The following TMEM154 variants were observed in gnomAD, a reference collection of about 807,000 sequenced individuals.
The protein encoded by TMEM154 is transmembrane protein 154.
A neutral mutation model predicts 24.5 loss-of-function variants in TMEM154; 27 were observed. The ratio of observed to expected loss-of-function variants is 1.10; its 90% CI spans 0.81 to 1.52. The LOEUF is 1.52. Among genes scored for constraint, TMEM154 ranks in the 40% most tolerant of loss-of-function variants. TMEM154 has a pLI of 0.00. For synonymous variants in TMEM154, 67 were observed against 76.8 expected (o/e 0.87, Z 0.67); for missense variants, 228 against 213.4 (o/e 1.07, Z -0.43).
chr4:152,642,144 C>A (rs1752271229), intron 5 of TMEM154, among the ~76,000 whole-genome samples: 1 of 151,760 alleles, frequency 6.6e-6, no homozygotes, highest in Admixed American at 6.6e-5. Context: ...GTTTCGAACT[C>A]CTGACCTCAG....
chr4:152,657,636 C>T (rs1338143924), intron 1 of TMEM154, among the ~76,000 whole-genome samples: 2 of 152,202 alleles, frequency 1.3e-5, no homozygotes, highest in Non-Finnish European at 2.9e-5. Context: ...TATAATTCAA[C>T]AAAGGACTTC....
At chr4:152,674,961 G>A (rs1728920496) in intron 1 of TMEM154, among the ~76,000 whole-genome samples, 1 of 152,004 alleles carries the variant, frequency 6.6e-6, no homozygotes, top group South Asian at 2.1e-4. Flanking sequence ...TTCAAGACCA[G>A]CCTGGCCAAC....
chr4:152,628,602 CA>C (rs1364033859), intron 6 of TMEM154, 41 bp from the exon 7 acceptor site: 7 of 700,872 alleles, frequency 1.0e-5, no homozygotes, highest in African/African-American at 2.7e-5. Context: ...ACAAAAAAAA[CA>C]CACACACACA....
rs958889389 is a variant in TMEM154, at chr4:152,624,319, G to A, written c.*4227C>T. 1.3e-5 allele frequency: 2 copies of A among 152,194 alleles called. No individual in the cohort carries two copies. Among genetic ancestry groups the A allele is most frequent in the African/African-American group, 4.8e-5 (2 of 41,448 alleles). The allele number at this position is 152,194 out of a possible 1,614,324, so 9.4% of individuals were successfully genotyped here. On this transcript the variant is annotated 3_prime_UTR_variant, in exon 7 of 7. Transcript: ENST00000304385. Reference sequence around the variant, plus strand: ...CAAGGTCCAGGTACAAATAATTCCAGCCAGTTATGGTGGCTCACACCTGTA... The same window carrying A: ...CAAGGTCCAGGTACAAATAATTCCAACCAGTTATGGTGGCTCACACCTGTA...
intron 1 of TMEM154, among the ~76,000 whole-genome samples, chr4:152,659,908 A>G (rs1291158925): frequency 6.6e-6 from 1 of 152,210 alleles, no homozygotes; most frequent in Non-Finnish European, 1.5e-5. Context: ...ACAATATACT[A>G]TAATAAAAGT....
At chr4:152,631,228 C>T (rs773262806) in intron 6 of TMEM154, among the ~76,000 whole-genome samples, 1 of 152,174 alleles carries the variant, frequency 6.6e-6, no homozygotes, top group Non-Finnish European at 1.5e-5. Context: ...CTTTAGGGAA[C>T]TATCCTTTTC....
At chr4:152,639,217 T>C (rs968191704) in intron 6 of TMEM154, among the ~76,000 whole-genome samples, 1 of 152,102 alleles carries the variant, frequency 6.6e-6, no homozygotes, top group African/African-American at 2.4e-5. Flanking sequence ...TCCCAAAGTG[T>C]TGGAATTACA....
chr4:152,643,952 A>G (rs1241957591), intron 4 of TMEM154, among the ~76,000 whole-genome samples: 2 of 105,538 alleles, frequency 1.9e-5, no homozygotes, highest in African/African-American at 7.6e-5. Flanking sequence ...TGCTCCTCCC[A>G]CTCTTCCCTT....
intron 6 of TMEM154, among the ~76,000 whole-genome samples, chr4:152,637,325 C>A (rs1173467042): frequency 2.0e-5 from 3 of 152,122 alleles, no homozygotes; most frequent in Non-Finnish European, 4.4e-5. Flanking sequence ...GTGGATGGAT[C>A]ACCTGAGGTC....
At chr4:152,629,815 T>C (rs1294066298) in intron 6 of TMEM154, among the ~76,000 whole-genome samples, 2 of 152,256 alleles carry the variant, frequency 1.3e-5, no homozygotes, top group African/African-American at 2.4e-5. Context: ...CATAGATAGA[T>C]AGACAGACAG....
At chr4:152,629,196 G>A (rs1055051887) in intron 6 of TMEM154, among the ~76,000 whole-genome samples, 8 of 152,180 alleles carry the variant, frequency 5.3e-5, no homozygotes, top group Non-Finnish European at 7.3e-5. Context: ...GGGGTTCCCC[G>A]TTTAATAAAT....
intron 1 of TMEM154, among the ~76,000 whole-genome samples, chr4:152,671,179 C>A (rs1259283411): frequency 6.6e-6 from 1 of 151,462 alleles, no homozygotes; most frequent in Non-Finnish European, 1.5e-5. Flanking sequence ...AGTGGCCCAA[C>A]AGAGCTTGGC....
chr4:152,629,688 G>A (rs781744350), intron 6 of TMEM154, among the ~76,000 whole-genome samples: 2 of 152,076 alleles, frequency 1.3e-5, no homozygotes, highest in Non-Finnish European at 2.9e-5. Context: ...TATCTCCCTC[G>A]CTCATAGATG....
rs116551042 is a variant in TMEM154, at chr4:152,676,518, A to G, written c.64+3352T>C. On this transcript the variant is annotated intron_variant, in intron 1 of 6. Transcript: ENST00000304385. Reference sequence around the variant, plus strand: ...CCTCAGTTTTCTCAAATGTAAAAACAGGGATAATAGTGCCCACCTTATAAG... The same window carrying G: ...CCTCAGTTTTCTCAAATGTAAAAACGGGGATAATAGTGCCCACCTTATAAG... Among the ~76,000 whole-genome samples the G allele has an allele frequency of 8.7e-3, 1,327 of 152,354 alleles. 13 individuals carry two copies. The highest frequency in any genetic ancestry group is 0.049 in the South Asian group (235 of 4,824).
At chr4:152,658,323 C>G (rs903855371) in intron 1 of TMEM154, among the ~76,000 whole-genome samples, 1 of 151,928 alleles carries the variant, frequency 6.6e-6, no homozygotes, top group African/African-American at 2.4e-5. Flanking sequence ...TAACAAATAC[C>G]TACATCAAAG....
intron 1 of TMEM154, among the ~76,000 whole-genome samples, chr4:152,663,937 C>CT (rs1215694573): frequency 4.6e-5 from 7 of 152,196 alleles, no homozygotes; most frequent in African/African-American, 1.7e-4. Context: ...GAGGTAACGC[C>CT]TGGCAGCCCC....
intron 1 of TMEM154, among the ~76,000 whole-genome samples, chr4:152,671,097 C>A (rs190534490): frequency 1.3e-5 from 2 of 151,928 alleles, no homozygotes; most frequent in Non-Finnish European, 2.9e-5. Context: ...GTCAGTTGAA[C>A]CTTGGGAGTT....
rs142946135 is a variant in TMEM154 at position 152,643,450 on chromosome 4, C to A, written c.393-277G>T. 3.3e-3 allele frequency among the ~76,000 whole-genome samples: 499 copies of A among 152,320 alleles called. 3 individuals are homozygous for A. The highest frequency in any genetic ancestry group is 4.6e-3 in the Non-Finnish European group (311 of 68,026). On this transcript the variant is annotated intron_variant, in intron 4 of 6. Coordinates refer to ENST00000304385, the MANE Select transcript of TMEM154 (RefSeq NM_152680.3). ...AAGGGAACCCAGGAGGCTGACTGCTCCCCTGAAGGTGCAAAGTCAAGTCTG... is the reference window on the plus strand; with the variant it reads ...AAGGGAACCCAGGAGGCTGACTGCTACCCTGAAGGTGCAAAGTCAAGTCTG...
chr4:152,634,445 G>T (rs1752109449), intron 6 of TMEM154, among the ~76,000 whole-genome samples: 1 of 152,126 alleles, frequency 6.6e-6, no homozygotes, highest in African/African-American at 2.4e-5. Context: ...ATTAGATCAG[G>T]CTCCCTTTCT....
Sources: allele counts gnomAD v4.1 joint callset (sites outside exome capture counted in the v4.1 genomes callset), GRCh38; gene constraint gnomAD v4.1.1; transcripts MANE v1.5; gene names NCBI Gene and HGNC (gene_info 2026-07-23, HGNC 2026-07-21).